MYO9B: variants seen among roughly 807,000 people sequenced by gnomAD.
The protein encoded by MYO9B is myosin IXB, also known as unconventional myosin-IXb.
A neutral mutation model predicts 229.5 loss-of-function variants in MYO9B; 71 were observed. The observed-to-expected ratio is 0.31, with a 90% CI of 0.26 to 0.38. The LOEUF is 0.38. Among genes scored for constraint, MYO9B ranks in the 10% least tolerant of loss-of-function variants. The probability of loss-of-function intolerance (pLI) is 1.00; values close to 1 mark genes in which losing one functional copy is unlikely to be tolerated. For missense variants in MYO9B, 2,255 were observed against 2,920.5 expected (o/e 0.77, Z 5.25); for synonymous variants, 1,185 against 1,235.8 (o/e 0.96, Z 0.86).
At chr19:17,111,994 G>C (rs998381985) in intron 2 of MYO9B, among the ~76,000 whole-genome samples, 1 of 152,156 alleles carries the variant, frequency 6.6e-6, no homozygotes, top group South Asian at 2.1e-4. Flanking sequence ...CATATTCCAC[G>C]GTATGGATGG....
In MYO9B at chr19:17,192,766, G is replaced by T. The variant is rs1348007025; in HGVS notation, c.2832G>T (p.Glu944Asp). Reference sequence around the variant, plus strand: ...ACCAGGTCTTCCTGAAGGAGACGGAGCGGCAAGCCCTGCAGGAGACGCTGC... The same window carrying T: ...ACCAGGTCTTCCTGAAGGAGACGGATCGGCAAGCCCTGCAGGAGACGCTGC... ...GKTKVFLKETERQALQETLHR... is the reference protein window; with the variant it reads ...GKTKVFLKETDRQALQETLHR... Residue 944 changes from glutamate (E) to aspartate (D), a missense_variant, in exon 21 of 40, where the codon GAG (glutamate) becomes GAT (aspartate). By Grantham distance (45) the Glu-to-Asp change is conservative. This residue lies in a region of MYO9B where 679 missense variants were observed against 770.2 expected (regional missense o/e 0.88). Coordinates refer to ENST00000682292, the MANE Select transcript of MYO9B (RefSeq NM_004145.4). 3 of 1,550,378 alleles carry T rather than the reference G, an allele frequency of 1.9e-6. No homozygotes were observed. Among genetic ancestry groups the T allele is most frequent in the Non-Finnish European group, 1.7e-6 (2 of 1,146,492 alleles).
chr19:17,203,290 C>G (rs1332390187), intron 30 of MYO9B, 32 bp downstream of exon 30: 3 of 1,488,498 alleles, frequency 2.0e-6, no homozygotes, highest in Non-Finnish European at 1.8e-6. Context: ...CCCCAAAACC[C>G]TCCATGTCCC....
chr19:17,179,992 T>A (rs1404283920), intron 14 of MYO9B, among the ~76,000 whole-genome samples: 6 of 151,844 alleles, frequency 4.0e-5, no homozygotes, highest in Non-Finnish European at 5.9e-5. Flanking sequence ...CCCAGCACTT[T>A]GGAAGGCTGA....
chr19:17,187,565 TTC>T (rs2072932311), intron 18 of MYO9B, among the ~76,000 whole-genome samples: 1 of 112,204 alleles, frequency 8.9e-6, no homozygotes, highest in South Asian at 3.0e-4. Context: ...CTTTTCTTTT[TTC>T]TTTCTTTTTT....
Position 17,195,903 on chromosome 19 carries a change from AGAGGGCCT to A in MYO9B, c.4046+432_4046+439del, listed in dbSNP as rs2073037261. Among the ~76,000 whole-genome samples the A allele has an allele frequency of 6.6e-6, 1 of 151,994 alleles. No homozygotes were observed. Among genetic ancestry groups the A allele is most frequent in the Non-Finnish European group, 1.5e-5 (1 of 67,982 alleles). ...CTTGGAATCTCCAGCTCCCTCTTCC[AGAGGGCCT>A]GCAGGACCAAAGGAAAGAAATCAGG... On this transcript the variant is annotated intron_variant, in intron 22 of 39. Coordinates refer to ENST00000682292, the MANE Select transcript of MYO9B (RefSeq NM_004145.4). The surrounding 1 kb of genome is among the most constrained non-coding windows in gnomAD (Gnocchi z 4.5).
chr19:17,197,691 A>G, intron 22 of MYO9B, 101 bp from the exon 23 acceptor site: 1 of 1,341,460 alleles, frequency 7.5e-7, no homozygotes, highest in Non-Finnish European at 1.1e-6. Context: ...GTCCCCTGGC[A>G]GGGGCAGAAC....
chr19:17,185,728 G>GGAAAC (rs1452756783), intron 17 of MYO9B, among the ~76,000 whole-genome samples, 193 bp from the exon 18 acceptor site: 2 of 152,052 alleles, frequency 1.3e-5, no homozygotes, highest in Non-Finnish European at 2.9e-5. Context: ...CTCCCTCGAG[G>GGAAAC]GTTTCCAGGG....
At chr19:17,141,193 A>T (rs1599363705) in intron 2 of MYO9B, among the ~76,000 whole-genome samples, 1 of 152,000 alleles carries the variant, frequency 6.6e-6, no homozygotes, top group South Asian at 2.1e-4. Context: ...GCCTTCAGGA[A>T]GATCCTGTCT....
In MYO9B at chr19:17,183,699, T is replaced by G. The variant is rs1454481160; in HGVS notation, c.2334-130T>G. On this transcript the variant is annotated intron_variant, in intron 15 of 39. Transcript: ENST00000682292. ...GAGGTGGCGGTGGCCTTGTTGCACT[T>G]GCGCCTTCTCACTCTCTCCCCTCTC... The G allele has an allele frequency of 5.5e-6, 4 of 726,926 alleles. No individual in the cohort carries two copies. In the African/African-American group the frequency reaches 7.2e-5, roughly 13 times the overall value. The allele number at this position is 726,926 out of a possible 1,614,324, so 45.0% of individuals were successfully genotyped here.
Position 17,210,956 on chromosome 19 carries a change from C to G in MYO9B, c.5930+108C>G. 9 of 1,150,560 alleles carry G rather than the reference C, an allele frequency of 7.8e-6. 1 individual carries two copies. The South Asian group carries it at 1.0e-4, about 13-fold the overall frequency. The allele number at this position is 1,150,560 out of a possible 1,614,324, so 71.3% of individuals were successfully genotyped here. A position where few individuals can be genotyped will look rare whatever the true frequency, so the allele number is the denominator to read the frequency against. On this transcript the variant is annotated intron_variant, in intron 38 of 39. Transcript: ENST00000682292. Reference sequence around the variant, plus strand: ...CCTCGCCAGGTTTGGTCCTGTCATCCCTAACACTGGGCAAACAACACTTTT... The same window carrying G: ...CCTCGCCAGGTTTGGTCCTGTCATCGCTAACACTGGGCAAACAACACTTTT...
chr19:17,152,911 G>T, intron 4 of MYO9B: 1 of 574,326 alleles, frequency 1.7e-6, no homozygotes, highest in Non-Finnish European at 3.1e-6. Context: ...TACCTCCCAA[G>T]CCACCTTTGT....
At position 17,200,814 on chromosome 19, in the gene MYO9B, G is replaced by A. The variant is rs1383491184; in HGVS notation, c.4548G>A (p.Glu1516=). The A allele has an allele frequency of 1.9e-6, 3 of 1,613,798 alleles. No homozygotes were observed. Among genetic ancestry groups the A allele is most frequent in the Non-Finnish European group, 2.5e-6 (3 of 1,179,776 alleles). Residue 1516 remains glutamate, a synonymous_variant, in exon 26 of 40, where the codon GAG becomes GAA. Coordinates refer to ENST00000682292, the MANE Select transcript of MYO9B (RefSeq NM_004145.4). ...CCAATGAGCTCAAGTACCTGGACGAGTTCCTGCTCAACAAGGTGGGATCAC... is the reference window on the plus strand; with the variant it reads ...CCAATGAGCTCAAGTACCTGGACGAATTCCTGCTCAACAAGGTGGGATCAC... ...TNANELKYLD[E]FLLNKINDLR...
chr19:17,189,954 A>G lies in MYO9B; in HGVS notation c.2689-1143A>G, dbSNP rs562506941. 7.1e-4 allele frequency among the ~76,000 whole-genome samples: 108 copies of G among 151,380 alleles called. 1 individual carries two copies. Among genetic ancestry groups the G allele is most frequent in the South Asian group, 2.5e-3 (12 of 4,780 alleles). On this transcript the variant is annotated intron_variant, in intron 19 of 39. Transcript: ENST00000682292. ...GTGGCGGGTGCCTGTAGTCCCAGCT[A>G]CTCGGGAGGCTGAGGCAGGAGAATG...
rs780760607 is a variant in MYO9B at position 17,184,885 on chromosome 19, C to T, written c.2394C>T (p.Ser798=). ...CCTAGAACCTACTGGACTCCAAGTC[C>T]CTGAAACTCATCATCAGCATGACTC... ...IIPKNLLDSK[S]LKLIISMTLH... The change falls in exon 17 of 40, where the codon TCC becomes TCT. Residue 798 remains serine (S), a synonymous_variant. Transcript: ENST00000682292. 6.2e-7 allele frequency: 1 copy of T among 1,613,848 alleles called. No individual in the cohort carries two copies. The highest frequency in any genetic ancestry group is 2.2e-5 in the East Asian group (1 of 44,864).
intron 3 of MYO9B, among the ~76,000 whole-genome samples, chr19:17,147,075 C>T (rs749059227): frequency 1.8e-4 from 27 of 152,224 alleles, no homozygotes; most frequent in Admixed American, 2.6e-4. Context: ...TCTGGCCCCT[C>T]GGCCTCAGCC....
chr19:17,101,597 C>T lies in MYO9B; in HGVS notation c.-58-63C>T, dbSNP rs1335922678. 7.1e-7 allele frequency: 1 copy of T among 1,404,224 alleles called. No homozygotes were observed. Among genetic ancestry groups the T allele is most frequent in the Non-Finnish European group, 9.3e-7 (1 of 1,069,576 alleles). 87.0% of individuals were successfully genotyped at this position (1,404,224 alleles called of 1,614,324 possible). The stretch of plus-strand genomic sequence containing the variant: ...GTGCTATCTGCCCAGGAGTGGGACT[C>T]CACATGCCCCTTAAACTTCCTCCCA... On this transcript the variant is annotated intron_variant, in intron 1 of 39. Coordinates refer to ENST00000682292, the MANE Select transcript of MYO9B (RefSeq NM_004145.4). This position sits in a 1 kb window ranked among gnomAD's most constrained non-coding sequence, Gnocchi z 4.7.
At chr19:17,096,751 G>T (rs1422812856) in intron 1 of MYO9B, among the ~76,000 whole-genome samples, 2 of 146,418 alleles carry the variant, frequency 1.4e-5, no homozygotes, top group Non-Finnish European at 3.0e-5. Flanking sequence ...TGTCGCCCAG[G>T]CTGGAGTGCA....
Position 17,153,995 on chromosome 19 carries a change from C to T in MYO9B, c.1027C>T (p.Leu343Phe), listed in dbSNP as rs2072509737. ...RNYHVFYYLL[L>F]GVSEEERQEF... Reference sequence around the variant, plus strand: ...CTACCATGTGTTTTATTATTTGTTACTTGGGGTCAGCGAGGAAGAGCGCCA... The same window carrying T: ...CTACCATGTGTTTTATTATTTGTTATTTGGGGTCAGCGAGGAAGAGCGCCA... The change falls in exon 5 of 40, where the codon CTT (leucine) becomes TTT (phenylalanine). Residue 343 changes from leucine (L) to phenylalanine (F), a missense_variant. Coordinates refer to ENST00000682292, the MANE Select transcript of MYO9B (RefSeq NM_004145.4). The T allele has an allele frequency of 6.2e-7, 1 of 1,613,694 alleles. No homozygotes were observed. Among genetic ancestry groups the T allele is most frequent in the Non-Finnish European group, 8.5e-7 (1 of 1,179,842 alleles).
At chr19:17,076,106 G>GT (rs561808950) in intron 1 of MYO9B, among the ~76,000 whole-genome samples, 1 of 151,660 alleles carries the variant, frequency 6.6e-6, no homozygotes, top group South Asian at 2.1e-4. Flanking sequence ...GGCGTGGGGG[G>GT]GGTGAGTCTT....
Sources: allele counts gnomAD v4.1 joint callset (sites outside exome capture counted in the v4.1 genomes callset), GRCh38; gene constraint gnomAD v4.1.1; regional missense constraint gnomAD v4.1.1; non-coding constraint Gnocchi (gnomAD v3.1); transcripts MANE v1.5; gene names NCBI Gene and HGNC (gene_info 2026-07-23, HGNC 2026-07-21).